LDB2: variants seen among roughly 807,000 people sequenced by gnomAD.
LDB2 encodes the protein LIM domain-binding protein 2.
A neutral mutation model predicts 44.3 loss-of-function variants in LDB2; 12 were observed. The observed-to-expected ratio is 0.27, with a 90% CI of 0.17 to 0.44. The LOEUF (loss-of-function observed/expected upper bound fraction) is 0.44. Among genes scored for constraint, LDB2 ranks in the 20% least tolerant of loss-of-function variants. The pLI is 1.00. For synonymous variants in LDB2, 164 were observed against 174.8 expected (o/e 0.94, Z 0.49); for missense variants, 344 against 473.5 (o/e 0.73, Z 2.54).
At chr4:16,782,975 T>C (rs1773619837) in intron 1 of LDB2, among the ~76,000 whole-genome samples, 1 of 152,146 alleles carries the variant, frequency 6.6e-6, no homozygotes, top group South Asian at 2.1e-4. Flanking sequence ...GGATTTACTT[T>C]AGTTAAATGG....
intron 1 of LDB2, among the ~76,000 whole-genome samples, chr4:16,765,996 T>C (rs1220652977): frequency 1.3e-5 from 2 of 152,202 alleles, no homozygotes; most frequent in Admixed American, 6.5e-5. Flanking sequence ...ACTTTATTAA[T>C]TTTAAAAATA....
At chr4:16,524,532 A>G (rs1050685162) in intron 5 of LDB2, among the ~76,000 whole-genome samples, 9 of 152,126 alleles carry the variant, frequency 5.9e-5, no homozygotes, top group African/African-American at 1.9e-4. Context: ...GAAAGAGAGT[A>G]TGAGGGAGGG....
At chr4:16,793,459 C>T (rs1023515323) in intron 1 of LDB2, among the ~76,000 whole-genome samples, 4 of 152,108 alleles carry the variant, frequency 2.6e-5, no homozygotes, top group Admixed American at 6.5e-5. Context: ...AAGCCCAAAC[C>T]GTCAAACCAT....
chr4:16,736,049 AGC>A (rs1761836558), intron 2 of LDB2, among the ~76,000 whole-genome samples: 3 of 152,172 alleles, frequency 2.0e-5, no homozygotes, highest in African/African-American at 7.2e-5. Context: ...ATGTGTACCC[AGC>A]AGCACCAGCC....
At chr4:16,572,486 C>T (rs891053066) in intron 5 of LDB2, among the ~76,000 whole-genome samples, 1 of 152,080 alleles carries the variant, frequency 6.6e-6, no homozygotes, top group Admixed American at 6.5e-5. Flanking sequence ...AAAATTTTGG[C>T]GGCATCTGTA....
chr4:16,685,515 C>T (rs1276959018), intron 2 of LDB2, among the ~76,000 whole-genome samples: 1 of 152,154 alleles, frequency 6.6e-6, no homozygotes, highest in South Asian at 2.1e-4. Flanking sequence ...AAGGCTCCAT[C>T]TCCTCACCTG....
intron 5 of LDB2, among the ~76,000 whole-genome samples, chr4:16,559,809 G>C (rs1741350595): frequency 6.6e-6 from 1 of 152,068 alleles, no homozygotes; most frequent in South Asian, 2.1e-4. Context: ...TGACCACATA[G>C]TTGGAAGTAA....
chr4:16,532,523 A>G (rs1577430893), intron 5 of LDB2, among the ~76,000 whole-genome samples: 3 of 152,330 alleles, frequency 2.0e-5, no homozygotes, highest in Admixed American at 1.3e-4. Flanking sequence ...TTTATTTCCT[A>G]TTCTTTCGTG....
intron 2 of LDB2, among the ~76,000 whole-genome samples, chr4:16,613,681 G>GA (rs1362576870): frequency 2.0e-5 from 3 of 151,900 alleles, no homozygotes; most frequent in Admixed American, 1.3e-4. Flanking sequence ...ACTACAAAGA[G>GA]AAAAAAATAC....
At chr4:16,762,862 A>G (rs1453774457) in intron 1 of LDB2, among the ~76,000 whole-genome samples, 3 of 152,194 alleles carry the variant, frequency 2.0e-5, no homozygotes, top group African/African-American at 4.8e-5. Flanking sequence ...TCAAGTTACA[A>G]TGAGGTTCGA....
intron 2 of LDB2, among the ~76,000 whole-genome samples, chr4:16,689,512 T>G (rs549180333): frequency 6.6e-6 from 1 of 152,086 alleles, no homozygotes; most frequent in Non-Finnish European, 1.5e-5. Flanking sequence ...TATGGTGGAG[T>G]CTTTGTGGTA....
intron 2 of LDB2, among the ~76,000 whole-genome samples, chr4:16,601,435 G>A (rs1004995632): frequency 1.3e-5 from 2 of 152,110 alleles, no homozygotes; most frequent in Non-Finnish European, 2.9e-5. Context: ...GGGGTTGAGA[G>A]TCTGATTTTC....
At chr4:16,503,022 C>T (rs1003823276) in intron 7 of LDB2, 149 bp from the exon 8 acceptor site, 3 of 1,564,610 alleles carry the variant, frequency 1.9e-6, no homozygotes, top group East Asian at 2.3e-5. Flanking sequence ...GGCCGAGACG[C>T]ATATTTGATT....
At chr4:16,560,944 T>C (rs76366928) in intron 5 of LDB2, among the ~76,000 whole-genome samples, 10,350 of 152,212 alleles carry the variant, frequency 0.068, 474 homozygotes, top group South Asian at 0.15. Flanking sequence ...ATCCAGCATA[T>C]AAACAGAACC....
chr4:16,523,973 T>G (rs528853601), intron 5 of LDB2, among the ~76,000 whole-genome samples: 1 of 152,314 alleles, frequency 6.6e-6, no homozygotes, highest in East Asian at 1.9e-4. Flanking sequence ...CCCACTAGAC[T>G]ATAAACAATT....
At chr4:16,868,603 T>C (rs1459180603) in intron 1 of LDB2, among the ~76,000 whole-genome samples, 1 of 152,210 alleles carries the variant, frequency 6.6e-6, no homozygotes, top group African/African-American at 2.4e-5. Context: ...ATTGTGTGAA[T>C]GGATTTGTCT....
At position 16,727,945 on chromosome 4, in the gene LDB2, A is replaced by G. The variant is rs1165713845; in HGVS notation, c.235+31213T>C. ...GAAGCTCAGGAAGGTTTACAGTCTA[A>G]CCATTCTCAAGGCTCCATGGGAGCA... On this transcript the variant is annotated intron_variant, in intron 2 of 7. Transcript: ENST00000304523. Among the ~76,000 whole-genome samples, 4 of 152,190 alleles carry G rather than the reference A, an allele frequency of 2.6e-5. No individual in the cohort carries two copies. The East Asian group carries it at 7.7e-4, about 29-fold the overall frequency.
At chr4:16,585,801 C>T (rs558769180) in intron 5 of LDB2, 121 bp downstream of exon 5, 3 of 672,498 alleles carry the variant, frequency 4.5e-6, no homozygotes, top group African/African-American at 3.5e-5. Flanking sequence ...ACATCTGGTA[C>T]AGAACATAGA....
intron 5 of LDB2, among the ~76,000 whole-genome samples, chr4:16,549,964 C>G (rs1037335154): frequency 6.6e-6 from 1 of 152,178 alleles, no homozygotes; most frequent in Non-Finnish European, 1.5e-5. Flanking sequence ...TGGGTGATCA[C>G]CAGTGTTAGA....
Sources: gnomAD v4.1 joint callset for allele counts (sites outside exome capture counted in the v4.1 genomes callset) on GRCh38, gnomAD v4.1.1 for gene constraint, MANE v1.5 for transcripts, NCBI Gene and HGNC (gene_info 2026-07-23, HGNC 2026-07-21) for gene names.